The following GABRB1 variants were observed in gnomAD, a reference collection of about 807,000 sequenced individuals.
The protein encoded by GABRB1 is gamma-aminobutyric acid receptor subunit beta-1.
GABRB1 carries 17 observed loss-of-function variants against 51.6 expected under a neutral mutation model. That is an observed-to-expected ratio of 0.33 (90% CI 0.23 to 0.49). The LOEUF (loss-of-function observed/expected upper bound fraction) is 0.49. Ranked by LOEUF, GABRB1 falls within the 20% of genes least tolerant of loss-of-function variation. The probability of loss-of-function intolerance (pLI) is 0.99; values close to 1 mark genes in which losing one functional copy is unlikely to be tolerated. For synonymous variants in GABRB1, 247 were observed against 218.9 expected (o/e 1.13, Z -1.14); for missense variants, 410 against 600.6 (o/e 0.68, Z 3.32).
chr4:47,022,648 TA>T (rs1236862727), intron 1 of GABRB1, among the ~76,000 whole-genome samples: 2 of 151,964 alleles, frequency 1.3e-5, no homozygotes, highest in Non-Finnish European at 2.9e-5. Context: ...AGACAGGCAA[TA>T]ACAAACGCTG....
At chr4:47,098,173 CACACACACA>C (rs1714542092) in intron 3 of GABRB1, among the ~76,000 whole-genome samples, 1 of 151,712 alleles carries the variant, frequency 6.6e-6, no homozygotes, top group Non-Finnish European at 1.5e-5. Flanking sequence ...CACACACACA[CACACACACA>C]CACACACATG....
At chr4:47,084,921 CT>C (rs1318815728) in intron 3 of GABRB1, among the ~76,000 whole-genome samples, 7 of 151,970 alleles carry the variant, frequency 4.6e-5, no homozygotes, top group East Asian at 1.9e-4. Context: ...ATATGACTCA[CT>C]TTTTTTTCTT....
chr4:47,242,278 G>A (rs550612995), intron 4 of GABRB1, among the ~76,000 whole-genome samples: 15 of 152,294 alleles, frequency 9.8e-5, no homozygotes, highest in South Asian at 8.3e-4. Flanking sequence ...TCTTAATCCA[G>A]TCTATCATTG....
intron 5 of GABRB1, among the ~76,000 whole-genome samples, chr4:47,381,317 T>TGGGTGTCA (rs1578135607): frequency 6.6e-6 from 1 of 152,138 alleles, no homozygotes; most frequent in Non-Finnish European, 1.5e-5. Context: ...GGGCATTTTG[T>TGGGTGTCA]GGGTGTCAAC....
At chr4:47,410,847 A>G (rs1728739066) in intron 8 of GABRB1, among the ~76,000 whole-genome samples, 1 of 152,172 alleles carries the variant, frequency 6.6e-6, no homozygotes, top group Non-Finnish European at 1.5e-5. Context: ...CTTATACCTT[A>G]AGGGTAAAGA....
chr4:47,141,348 G>T (rs2351299), intron 3 of GABRB1, among the ~76,000 whole-genome samples: 29,004 of 151,740 alleles, frequency 0.19, 2,979 homozygotes, highest in East Asian at 0.33. Flanking sequence ...AAGCTCTCAA[G>T]TTAAAATTTC....
At chr4:47,145,110 T>C (rs935542197) in intron 3 of GABRB1, among the ~76,000 whole-genome samples, 4 of 152,028 alleles carry the variant, frequency 2.6e-5, no homozygotes, top group African/African-American at 9.7e-5. Flanking sequence ...GGCAAGAATG[T>C]TAAGGAAATA....
At chr4:47,369,320 A>G (rs991664955) in intron 5 of GABRB1, among the ~76,000 whole-genome samples, 24 of 152,206 alleles carry the variant, frequency 1.6e-4, no homozygotes, top group African/African-American at 5.3e-4. Context: ...CCCGAGCTTC[A>G]GGCTTCCCTT....
At chr4:47,112,365 A>G (rs1715258629) in intron 3 of GABRB1, among the ~76,000 whole-genome samples, 1 of 152,156 alleles carries the variant, frequency 6.6e-6, no homozygotes, top group Non-Finnish European at 1.5e-5. Context: ...TCAGCCTCCC[A>G]AGTGCTGGGA....
intron 5 of GABRB1, among the ~76,000 whole-genome samples, chr4:47,329,447 A>G (rs181966662): frequency 1.3e-3 from 197 of 149,184 alleles, no homozygotes; most frequent in Admixed American, 2.4e-3. Flanking sequence ...TAGGACATAT[A>G]TAGCACATAC....
chr4:47,280,643 A>T (rs1032688638), intron 4 of GABRB1, among the ~76,000 whole-genome samples: 28 of 150,244 alleles, frequency 1.9e-4, no homozygotes, highest in African/African-American at 6.3e-4. Context: ...ACACTATTTT[A>T]TTTTTTTTTA....
intron 4 of GABRB1, among the ~76,000 whole-genome samples, chr4:47,296,836 C>T (rs1724020422): frequency 6.6e-6 from 1 of 152,126 alleles, no homozygotes; most frequent in Non-Finnish European, 1.5e-5. Context: ...ACACCTATTC[C>T]AAAACTGACC....
intron 3 of GABRB1, among the ~76,000 whole-genome samples, chr4:47,060,352 G>A (rs909471166): frequency 6.6e-6 from 1 of 152,110 alleles, no homozygotes; most frequent in Non-Finnish European, 1.5e-5. Context: ...AAGTAAAGAG[G>A]TGTCATATGC....
chr4:47,247,117 GT>G (rs1231941211), intron 4 of GABRB1, among the ~76,000 whole-genome samples: 6 of 151,984 alleles, frequency 3.9e-5, no homozygotes, highest in African/African-American at 1.2e-4. Context: ...ATCTGGAATG[GT>G]TTTTCCATGT....
At chr4:47,162,417 G>T (rs1718000918) in intron 4 of GABRB1, among the ~76,000 whole-genome samples, 1 of 151,668 alleles carries the variant, frequency 6.6e-6, no homozygotes, top group South Asian at 2.1e-4. Flanking sequence ...GATTAGTCAA[G>T]AATATATAAA....
At chr4:47,351,849 G>A (rs1243116667) in intron 5 of GABRB1, among the ~76,000 whole-genome samples, 5 of 151,866 alleles carry the variant, frequency 3.3e-5, no homozygotes, top group East Asian at 3.9e-4. Context: ...TTGCTATTGT[G>A]AATAGTGCCG....
At chr4:47,412,949 G>A (rs1728806228) in intron 8 of GABRB1, among the ~76,000 whole-genome samples, 1 of 152,194 alleles carries the variant, frequency 6.6e-6, no homozygotes, top group Non-Finnish European at 1.5e-5. Context: ...ATGCAAGTTG[G>A]TTCTCTACCT....
exon 1 of GABRB1, chr4:46,993,795 C>T (rs932786127): frequency 2.8e-5 from 6 of 217,728 alleles, no homozygotes; most frequent in Non-Finnish European, 5.6e-5. Flanking sequence ...GGGTCTCTCG[C>T]CCCTCCTCCG....
In GABRB1 at chr4:47,421,226, CA is replaced by C. The variant is rs377085340; in HGVS notation, c.1081-4447del. Among the ~76,000 whole-genome samples, 327 of 152,090 alleles carry C rather than the reference CA, an allele frequency of 2.2e-3. 3 individuals are homozygous for C. The highest frequency in any genetic ancestry group is 7.7e-3 in the African/African-American group (319 of 41,522). ...GTGACGGAGAATACTGAGGGATTTG[CA>C]CAAACTGGTAAATCTCATGCAAGTT... On this transcript the variant is annotated intron_variant, in intron 8 of 8. Coordinates refer to ENST00000295454, the MANE Select transcript of GABRB1 (RefSeq NM_000812.4).
Sources: gnomAD v4.1 joint callset for allele counts (sites outside exome capture counted in the v4.1 genomes callset) on GRCh38, gnomAD v4.1.1 for gene constraint, MANE v1.5 for transcripts, NCBI Gene and HGNC (gene_info 2026-07-23, HGNC 2026-07-21) for gene names.